The following FGF13 variants were observed in gnomAD, a reference collection of about 807,000 sequenced individuals.
FGF13 encodes fibroblast growth factor homologous factor 2.
FGF13 carries 2 observed loss-of-function variants against 19.5 expected under a neutral mutation model. The ratio of observed to expected loss-of-function variants is 0.10; its 90% CI spans 0.04 to 0.32. The LOEUF is 0.32. FGF13 is among the 10% of genes least tolerant of loss of function. FGF13 has a pLI of 1.00. For synonymous variants in FGF13, 72 were observed against 76.9 expected (o/e 0.94, Z 0.33); for missense variants, 113 against 192.7 (o/e 0.59, Z 2.45).
chrX:139,145,227 C>CT (rs1194107069), intron 1 of FGF13, among the ~76,000 whole-genome samples: 1 of 110,910 alleles, frequency 9.0e-6, no homozygotes, highest in Non-Finnish European at 1.9e-5. Flanking sequence ...TGCAGACCCC[C>CT]TCAAAGGGAC....
chrX:138,949,011 G>C (rs764655764), intron 1 of FGF13, among the ~76,000 whole-genome samples: 2 of 111,846 alleles, frequency 1.8e-5, no homozygotes, highest in Non-Finnish European at 3.8e-5. Context: ...CCATTGTACA[G>C]GTGAAGAAAT....
intron 1 of FGF13, among the ~76,000 whole-genome samples, chrX:139,040,554 G>A (rs1265016824): frequency 9.0e-6 from 1 of 111,492 alleles, no homozygotes; most frequent in Non-Finnish European, 1.9e-5. Flanking sequence ...AAAAACAACA[G>A]ATGCTGGCGA....
intron 1 of FGF13, among the ~76,000 whole-genome samples, chrX:138,925,610 C>A (rs955804565): frequency 9.0e-6 from 1 of 111,328 alleles, no homozygotes; most frequent in African/African-American, 3.3e-5. Context: ...CTGTGGCTCT[C>A]CCTCCACTCC....
chrX:138,775,733 G>A (rs770947579), intron 3 of FGF13, among the ~76,000 whole-genome samples: 1 of 112,489 alleles, frequency 8.9e-6, no homozygotes, highest in Non-Finnish European at 1.9e-5. Context: ...TTCCCATCGT[G>A]ATAGAAGATC....
At chrX:138,852,007 A>G (rs776204960) in intron 3 of FGF13, among the ~76,000 whole-genome samples, 2 of 111,881 alleles carry the variant, frequency 1.8e-5, no homozygotes, top group South Asian at 7.5e-4. Context: ...AATACAGCTA[A>G]CAAGGGAAGT....
At chrX:139,099,395 A>AG (rs1556361628) in intron 1 of FGF13, among the ~76,000 whole-genome samples, 2 of 108,338 alleles carry the variant, frequency 1.8e-5, no homozygotes, top group African/African-American at 6.7e-5. Flanking sequence ...AAAAAAAAAA[A>AG]AAAGAAAGAA....
intron 1 of FGF13, among the ~76,000 whole-genome samples, chrX:139,131,622 A>C (rs2083762770): frequency 9.0e-6 from 1 of 111,218 alleles, no homozygotes; most frequent in Admixed American, 9.6e-5. Context: ...CTGTATTCCC[A>C]GCTACTCAGG....
At chrX:138,948,285 C>T (rs1026344621) in intron 1 of FGF13, among the ~76,000 whole-genome samples, 23 of 111,204 alleles carry the variant, frequency 2.1e-4, no homozygotes, top group African/African-American at 7.5e-4. Context: ...AGATGATGAA[C>T]ATAAGGGGAT....
intron 3 of FGF13, among the ~76,000 whole-genome samples, chrX:138,823,253 TG>T: frequency 9.0e-6 from 1 of 111,160 alleles, no homozygotes; most frequent in Middle Eastern, 4.6e-3. Context: ...GATAGCTAGG[TG>T]GGAAGGAGTC....
intron 3 of FGF13, among the ~76,000 whole-genome samples, chrX:138,821,104 G>A (rs969872106): frequency 1.8e-5 from 2 of 111,474 alleles, no homozygotes; most frequent in Non-Finnish European, 3.8e-5. Context: ...GAGGTAAGCT[G>A]GCAGAAAATG....
At chrX:138,815,839 C>A (rs1368730909) in intron 3 of FGF13, among the ~76,000 whole-genome samples, 1 of 109,394 alleles carries the variant, frequency 9.1e-6, no homozygotes, top group Non-Finnish European at 1.9e-5. Context: ...TCTAATTGTT[C>A]AATAAAACCA....
chrX:138,829,200 T>G (rs1404291875), intron 3 of FGF13, among the ~76,000 whole-genome samples: 1 of 111,611 alleles, frequency 9.0e-6, no homozygotes, highest in Non-Finnish European at 1.9e-5. Context: ...ATAGTTTGGG[T>G]ATGGTTTGTT....
intron 1 of FGF13, among the ~76,000 whole-genome samples, chrX:138,883,474 A>T (rs1026148360): frequency 9.0e-6 from 1 of 111,600 alleles, no homozygotes; most frequent in Non-Finnish European, 1.9e-5. Context: ...TGGAGGGAAG[A>T]TCAATCACTT....
intron 3 of FGF13, among the ~76,000 whole-genome samples, chrX:138,679,374 C>A (rs186353362): frequency 9.0e-6 from 1 of 111,410 alleles, no homozygotes; most frequent in East Asian, 2.8e-4. Flanking sequence ...CCACCACACC[C>A]AGCCCCATAC....
At chrX:138,804,511 C>T (rs12387319) in intron 3 of FGF13, among the ~76,000 whole-genome samples, 67 of 112,042 alleles carry the variant, frequency 6.0e-4, no homozygotes, top group African/African-American at 2.2e-3. Context: ...CATAATTCTT[C>T]AGCATGAATT....
At chrX:139,042,296 G>C (rs902030821) in intron 1 of FGF13, among the ~76,000 whole-genome samples, 1 of 111,824 alleles carries the variant, frequency 8.9e-6, no homozygotes, top group African/African-American at 3.3e-5. Flanking sequence ...TGGGTTTTGG[G>C]TATGTGGAGG....
intron 1 of FGF13, among the ~76,000 whole-genome samples, chrX:138,736,346 G>A (rs761737529): frequency 8.9e-6 from 1 of 112,344 alleles, no homozygotes; most frequent in Non-Finnish European, 1.9e-5. Context: ...GGTCATTTAT[G>A]CTTTGTTTTA....
chrX:138,853,614 C>CGT (rs1556252390), downstream of FGF13, among the ~76,000 whole-genome samples: 60 of 79,656 alleles, frequency 7.5e-4, no homozygotes, highest in Non-Finnish European at 1.4e-3. Flanking sequence ...TGTGTGTGTG[C>CGT]GTGTGCGTGT....
chrX:139,083,187 C>A (rs1379767563), intron 1 of FGF13, among the ~76,000 whole-genome samples: 2 of 111,155 alleles, frequency 1.8e-5, no homozygotes, highest in Admixed American at 1.9e-4. Flanking sequence ...CTTTCTTTTT[C>A]TCCTCCTCCT....
Sources: allele counts gnomAD v4.1 joint callset (sites outside exome capture counted in the v4.1 genomes callset), GRCh38; gene constraint gnomAD v4.1.1; transcripts MANE v1.5; gene names NCBI Gene and HGNC (gene_info 2026-07-23, HGNC 2026-07-21).